Variants in CNTNAP5 observed in about 807,000 individuals in gnomAD.
CNTNAP5 encodes the protein contactin associated protein family member 5.
CNTNAP5 carries 72 observed loss-of-function variants against 150.2 expected under a neutral mutation model. That is an observed-to-expected ratio of 0.48 (90% CI 0.40 to 0.58). CNTNAP5 has a LOEUF of 0.58. Among genes scored for constraint, CNTNAP5 ranks in the 20% least tolerant of loss-of-function variants. CNTNAP5 has a pLI of 0.00. For synonymous variants in CNTNAP5, 672 were observed against 619.8 expected (o/e 1.08, Z -1.25); for missense variants, 1,636 against 1,626.2 (o/e 1.01, Z -0.10).
At chr2:124,780,162 A>G (rs890845598) in intron 17 of CNTNAP5, among the ~76,000 whole-genome samples, 1 of 152,146 alleles carries the variant, frequency 6.6e-6, no homozygotes, top group Non-Finnish European at 1.5e-5. Flanking sequence ...ATAGCTTGCA[A>G]ATCAGTTTCA....
chr2:124,162,923 AAGAC>A (rs779412629), intron 1 of CNTNAP5, among the ~76,000 whole-genome samples: 6 of 152,142 alleles, frequency 3.9e-5, no homozygotes, highest in South Asian at 4.1e-4. Flanking sequence ...AGAAATTCCA[AAGAC>A]AGACAGAGTC....
intron 19 of CNTNAP5, among the ~76,000 whole-genome samples, chr2:124,799,496 A>G (rs1437035901): frequency 1.3e-5 from 2 of 152,220 alleles, no homozygotes; most frequent in African/African-American, 2.4e-5. Context: ...ATCTGCTGGT[A>G]TCATAAGATG....
At chr2:124,154,172 C>T (rs1035766156) in intron 1 of CNTNAP5, among the ~76,000 whole-genome samples, 1 of 152,074 alleles carries the variant, frequency 6.6e-6, no homozygotes, top group African/African-American at 2.4e-5. Flanking sequence ...GTGGGCTTTC[C>T]TTGTGAAGTG....
Position 124,142,627 on chromosome 2 carries a change from C to T in CNTNAP5, c.83-79078C>T, listed in dbSNP as rs375470313. On this transcript the variant is annotated intron_variant, in intron 1 of 23. Transcript: ENST00000682447. ...ACACCACATACCAGAATCTCTGGGA[C>T]GCATTCAAAGCAGTGTGTAGAGGGA... Among the ~76,000 whole-genome samples the T allele has an allele frequency of 6.1e-4, 82 of 134,586 alleles. 1 individual carries two copies. In the East Asian group the frequency reaches 9.2e-3, roughly 15 times the overall value. The allele number at this position is 134,586 out of a possible 152,430, so 88.3% of individuals were successfully genotyped here.
At chr2:124,811,161 T>C (rs1682209569) in intron 19 of CNTNAP5, among the ~76,000 whole-genome samples, 1 of 152,172 alleles carries the variant, frequency 6.6e-6, no homozygotes, top group Non-Finnish European at 1.5e-5. Flanking sequence ...GGGAATCTTA[T>C]GTGACTGGGT....
chr2:124,541,179 A>ATGTTTTTTTTTTTTTTTTTTTTTT (rs1695373228), intron 10 of CNTNAP5, among the ~76,000 whole-genome samples: 1 of 83,082 alleles, frequency 1.2e-5, no homozygotes, highest in Non-Finnish European at 2.3e-5. Context: ...CAAAATTCCG[A>ATGTTTTTTTTTTTTTTTTTTTTTT]TTTTTTTTTT....
chr2:124,763,841 G>A (rs200166829), intron 15 of CNTNAP5, 42 bp downstream of exon 15: 1 of 1,611,306 alleles, frequency 6.2e-7, no homozygotes, highest in African/African-American at 1.3e-5. Flanking sequence ...TGCATTACAT[G>A]AGCACAAGAT....
chr2:124,519,861 C>A (rs1056855309), intron 8 of CNTNAP5, among the ~76,000 whole-genome samples: 1 of 152,176 alleles, frequency 6.6e-6, no homozygotes, highest in African/African-American at 2.4e-5. Context: ...CTATTTAACT[C>A]TCTCTCTGTA....
chr2:124,538,109 A>G (rs1194375797), intron 10 of CNTNAP5, among the ~76,000 whole-genome samples: 1 of 152,198 alleles, frequency 6.6e-6, no homozygotes, highest in Non-Finnish European at 1.5e-5. Flanking sequence ...TACGACATGC[A>G]TGTCAACGTA....
intron 16 of CNTNAP5, among the ~76,000 whole-genome samples, chr2:124,771,010 T>TA (rs1208994632): frequency 6.6e-6 from 1 of 152,196 alleles, no homozygotes; most frequent in African/African-American, 2.4e-5. Flanking sequence ...TCCACCTTAC[T>TA]ACCTTTCCTT....
At chr2:124,394,641 G>A (rs541789378) in intron 3 of CNTNAP5, among the ~76,000 whole-genome samples, 7 of 152,264 alleles carry the variant, frequency 4.6e-5, no homozygotes, top group Admixed American at 3.3e-4. Flanking sequence ...ATTGACATAT[G>A]CTTTGCCTTT....
intron 1 of CNTNAP5, among the ~76,000 whole-genome samples, chr2:124,085,562 C>T (rs1156928491): frequency 1.3e-5 from 2 of 151,844 alleles, no homozygotes; most frequent in African/African-American, 4.8e-5. Flanking sequence ...CTTCTGCTAC[C>T]TTTGCTTTCC....
chr2:124,144,636 A>C (rs1282810574), intron 1 of CNTNAP5, among the ~76,000 whole-genome samples: 2 of 132,708 alleles, frequency 1.5e-5, no homozygotes, highest in African/African-American at 2.9e-5. Flanking sequence ...TTATACAAAA[A>C]TCAATTCAAG....
At chr2:124,203,512 C>T (rs943271990) in intron 1 of CNTNAP5, among the ~76,000 whole-genome samples, 1 of 152,172 alleles carries the variant, frequency 6.6e-6, no homozygotes, top group Non-Finnish European at 1.5e-5. Context: ...CCACATTTTC[C>T]TTCCTCACTT....
At chr2:124,513,400 G>T (rs1413792390) in intron 8 of CNTNAP5, among the ~76,000 whole-genome samples, 2 of 152,112 alleles carry the variant, frequency 1.3e-5, no homozygotes, top group African/African-American at 4.8e-5. Flanking sequence ...TTTAACATAC[G>T]CATTTTGCAG....
At chr2:124,519,883 A>ACAGAGGTT (rs1183342109) in intron 8 of CNTNAP5, among the ~76,000 whole-genome samples, 3 of 152,204 alleles carry the variant, frequency 2.0e-5, no homozygotes, top group Non-Finnish European at 4.4e-5. Context: ...GGAACCCTTT[A>ACAGAGGTT]TACTGATGCC....
At chr2:124,735,133 C>T (rs1680354648) in intron 13 of CNTNAP5, among the ~76,000 whole-genome samples, 1 of 152,116 alleles carries the variant, frequency 6.6e-6, no homozygotes, top group African/African-American at 2.4e-5. Flanking sequence ...TATGTACCCC[C>T]TTTCCTCCAC....
intron 13 of CNTNAP5, among the ~76,000 whole-genome samples, chr2:124,649,782 G>A (rs544473211): frequency 8.5e-5 from 13 of 152,272 alleles, no homozygotes; most frequent in African/African-American, 2.9e-4. Context: ...TCTGAGGATG[G>A]AAGAAAAAAT....
intron 12 of CNTNAP5, 25 bp from the exon 13 acceptor site, chr2:124,647,733 G>A: frequency 6.4e-7 from 1 of 1,559,640 alleles, no homozygotes; most frequent in Non-Finnish European, 8.7e-7. Context: ...AACGTCTCTT[G>A]CTTTGTGTTG....
Sources: allele counts gnomAD v4.1 joint callset (sites outside exome capture counted in the v4.1 genomes callset), GRCh38; gene constraint gnomAD v4.1.1; transcripts MANE v1.5; gene names NCBI Gene and HGNC (gene_info 2026-07-23, HGNC 2026-07-21).